Variants in ZNF704 observed in about 807,000 individuals in gnomAD.
ZNF704 encodes the protein zinc finger protein 704, also known as glucocorticoid induced gene 1.
In ZNF704, 10 loss-of-function variants were observed where a neutral mutation model predicts 44.7. That is an observed-to-expected ratio of 0.22 (90% CI 0.14 to 0.38). The LOEUF is 0.38. Ranked by LOEUF, ZNF704 falls within the 10% of genes least tolerant of loss-of-function variation. The pLI is 1.00. For missense variants in ZNF704, 390 were observed against 545.5 expected, an observed-to-expected ratio of 0.71 and a Z score of 2.84; for synonymous variants, 211 against 207.6, an observed-to-expected ratio of 1.02 and a Z score of -0.14.
intron 2 of ZNF704, among the ~76,000 whole-genome samples, chr8:80,817,898 T>C (rs1808202560): frequency 1.3e-5 from 2 of 152,214 alleles, no homozygotes. Context: ...TTATTTAAAA[T>C]TAGCTACATA....
intron 6 of ZNF704, among the ~76,000 whole-genome samples, chr8:80,664,434 G>C (rs1306582123): frequency 6.6e-6 from 1 of 151,934 alleles, no homozygotes; most frequent in African/African-American, 2.4e-5. Flanking sequence ...ACCACACCCA[G>C]CTAATTTTGT....
rs536452435 is a variant in ZNF704, at chr8:80,850,177, ATTAT to A, written c.-22+24390_-22+24393del. Among the ~76,000 whole-genome samples the A allele has an allele frequency of 2.7e-3, 406 of 152,240 alleles. 2 individuals carry two copies. The highest frequency in any genetic ancestry group is 0.01 in the Middle Eastern group (3 of 294). Reference sequence around the variant, plus strand: ...TTATGGTTCATTTTAAAAATTACCCATTATTTGTTTTATGTTACATGCTTGGTAT... The same window carrying A: ...TTATGGTTCATTTTAAAAATTACCCATTGTTTTATGTTACATGCTTGGTAT... On this transcript the variant is annotated intron_variant, in intron 1 of 8. Coordinates refer to ENST00000327835, the MANE Select transcript of ZNF704 (RefSeq NM_001033723.3).
intron 2 of ZNF704, among the ~76,000 whole-genome samples, chr8:80,735,453 A>G (rs1806650617): frequency 6.6e-6 from 1 of 152,250 alleles, no homozygotes; most frequent in African/African-American, 2.4e-5. Context: ...AAACCTGTGG[A>G]GCCAGGGGCA....
rs1347323685 is a variant in ZNF704, at chr8:80,629,255, T to G, written c.*12111A>C. On this transcript the variant is annotated 3_prime_UTR_variant, in exon 9 of 9. Transcript: ENST00000327835. Reference sequence around the variant, plus strand: ...TCAACCTGAACCTCCACAGGCTGTATTTACAGTCAGACAGGTATTCAGAAA... The same window carrying G: ...TCAACCTGAACCTCCACAGGCTGTAGTTACAGTCAGACAGGTATTCAGAAA... The G allele has an allele frequency of 6.6e-6, 1 of 152,246 alleles. No individual in the cohort carries two copies. Among genetic ancestry groups the G allele is most frequent in the African/African-American group, 2.4e-5 (1 of 41,476 alleles). 9.4% of individuals were successfully genotyped at this position (152,246 alleles called of 1,614,324 possible).
intron 2 of ZNF704, among the ~76,000 whole-genome samples, chr8:80,736,206 T>A (rs1347270475): frequency 6.6e-6 from 1 of 152,248 alleles, no homozygotes; most frequent in Non-Finnish European, 1.5e-5. Context: ...CCAGTTTTGA[T>A]AAAATATCAA....
the ZNF704 span, among the ~76,000 whole-genome samples, chr8:80,880,587 T>C: frequency 3.9e-5 from 6 of 152,260 alleles, no homozygotes; most frequent in African/African-American, 1.4e-4. Flanking sequence ...AGAGATTTTC[T>C]TTTGCACATG....
At chr8:80,649,234 T>C (rs1817876993) in intron 7 of ZNF704, among the ~76,000 whole-genome samples, 1 of 152,118 alleles carries the variant, frequency 6.6e-6, no homozygotes, top group Non-Finnish European at 1.5e-5. Flanking sequence ...GCTCCCAGCA[T>C]GAGTGATGCA....
chr8:80,630,214 A>ATT lies in ZNF704; in HGVS notation c.*11150_*11151dup, dbSNP rs2131577473. The ATT allele has an allele frequency of 6.6e-6, 1 of 152,360 alleles. No individual in the cohort carries two copies. Among genetic ancestry groups the ATT allele is most frequent in the South Asian group, 2.1e-4 (1 of 4,826 alleles). The allele number at this position is 152,360 out of a possible 1,614,324, so 9.4% of individuals were successfully genotyped here. On this transcript the variant is annotated 3_prime_UTR_variant, in exon 9 of 9. Coordinates refer to ENST00000327835, the MANE Select transcript of ZNF704 (RefSeq NM_001033723.3). The stretch of plus-strand genomic sequence containing the variant: ...TAATTTTATACATTCATTCACTAAC[A>ATT]TTAAAGACTTCTGTTAAGCAAGTAC...
chr8:80,826,190 C>T (rs201557734), intron 1 of ZNF704, among the ~76,000 whole-genome samples: 17 of 151,736 alleles, frequency 1.1e-4, no homozygotes, highest in African/African-American at 2.9e-4. Flanking sequence ...GCAAGACTAA[C>T]AAAGAAGAAA....
chr8:80,689,105 T>C (rs1818590001), intron 3 of ZNF704, among the ~76,000 whole-genome samples: 1 of 152,210 alleles, frequency 6.6e-6, no homozygotes, highest in Non-Finnish European at 1.5e-5. Context: ...TATGTGCATT[T>C]TGAATATATT....
Position 80,692,992 on chromosome 8 carries a change from T to A in ZNF704, c.325+12A>T. 1 of 1,613,712 alleles carries A rather than the reference T, an allele frequency of 6.2e-7. No individual in the cohort carries two copies. Among genetic ancestry groups the A allele is most frequent in the Non-Finnish European group, 8.5e-7 (1 of 1,179,746 alleles). On this transcript the variant is annotated intron_variant, in intron 3 of 8. Transcript: ENST00000327835. ...AAGGGGCCCTTCCCTAAGTCCCATA[T>A]CCTGGGCTTACCGTTCGGCCGCACG...
intron 1 of ZNF704, among the ~76,000 whole-genome samples, chr8:80,870,004 G>A (rs1404734609): frequency 6.6e-6 from 1 of 152,174 alleles, no homozygotes; most frequent in African/African-American, 2.4e-5. Context: ...GCAAGGGAAT[G>A]AATTCTGCCA....
intron 2 of ZNF704, among the ~76,000 whole-genome samples, chr8:80,711,491 T>A (rs1056505082): frequency 8.5e-5 from 13 of 152,216 alleles, no homozygotes; most frequent in Admixed American, 2.0e-4. Context: ...TTCAGTGGGT[T>A]AACAGATTCT....
chr8:80,675,502 G>T (rs138901022), intron 4 of ZNF704, among the ~76,000 whole-genome samples: 139 of 151,990 alleles, frequency 9.1e-4, no homozygotes, highest in Middle Eastern at 3.4e-3. Flanking sequence ...CTCTGTTTTG[G>T]GATAGAAAAC....
intron 5 of ZNF704, among the ~76,000 whole-genome samples, chr8:80,669,381 T>C (rs1267524259): frequency 2.0e-5 from 3 of 152,158 alleles, no homozygotes; most frequent in Admixed American, 6.5e-5. Context: ...TTCTTACACA[T>C]AAGGTAGACT....
chr8:80,822,651 A>T (rs1322126712), intron 1 of ZNF704, among the ~76,000 whole-genome samples: 1 of 152,178 alleles, frequency 6.6e-6, no homozygotes, highest in East Asian at 1.9e-4. Flanking sequence ...GAACTAGTTT[A>T]CAGTCCCACC....
intron 2 of ZNF704, among the ~76,000 whole-genome samples, chr8:80,745,567 G>A (rs929138987): frequency 6.6e-6 from 1 of 152,148 alleles, no homozygotes; most frequent in Admixed American, 6.6e-5. Flanking sequence ...TTTTAAGTAA[G>A]TGATATACCT....
intron 2 of ZNF704, among the ~76,000 whole-genome samples, chr8:80,770,120 T>A (rs1346295952): frequency 6.6e-6 from 1 of 152,176 alleles, no homozygotes; most frequent in Admixed American, 6.5e-5. Flanking sequence ...CATGATTCAA[T>A]TACCTCTCAC....
chr8:80,672,399 C>G (rs1818296255), intron 4 of ZNF704, among the ~76,000 whole-genome samples: 1 of 152,190 alleles, frequency 6.6e-6, no homozygotes, highest in Non-Finnish European at 1.5e-5. Flanking sequence ...CCATTCGACC[C>G]AGCAATCCCA....
Sources: gnomAD v4.1 joint callset for allele counts (sites outside exome capture counted in the v4.1 genomes callset) on GRCh38, gnomAD v4.1.1 for gene constraint, MANE v1.5 for transcripts, NCBI Gene and HGNC (gene_info 2026-07-23, HGNC 2026-07-21) for gene names.